Variants in GPR39 observed in about 807,000 individuals in gnomAD.
GPR39 encodes the protein zinc sensing receptor.
Under a neutral mutation model 18.4 loss-of-function variants are expected in GPR39, and 23 were observed. The observed-to-expected ratio is 1.25, with a 90% confidence interval of 0.90 to 1.77. GPR39 has a LOEUF of 1.77. Among genes scored for constraint, GPR39 ranks in the 40% most tolerant of loss-of-function variants. The pLI is 0.00. For synonymous variants in GPR39, 280 were observed against 257.9 expected (o/e 1.09, Z -0.82); for missense variants, 647 against 602.4 (o/e 1.07, Z -0.78).
intron 1 of GPR39, among the ~76,000 whole-genome samples, chr2:132,555,890 T>A (rs992824055): frequency 6.6e-6 from 1 of 152,176 alleles, no homozygotes; most frequent in African/African-American, 2.4e-5. Context: ...TTAGGGGAGA[T>A]GTTACTCAAG....
intron 1 of GPR39, among the ~76,000 whole-genome samples, chr2:132,499,272 C>T (rs1321099868): frequency 5.3e-5 from 8 of 152,158 alleles, no homozygotes; most frequent in Admixed American, 6.5e-5. Context: ...CATTCTTCTA[C>T]GTGTGGCTTG....
chr2:132,454,809 C>G (rs574283448), intron 1 of GPR39, among the ~76,000 whole-genome samples: 6 of 152,182 alleles, frequency 3.9e-5, no homozygotes, highest in African/African-American at 1.4e-4. Flanking sequence ...GTCGAACCAG[C>G]CTTGCATCCC....
intron 1 of GPR39, among the ~76,000 whole-genome samples, chr2:132,629,292 A>G (rs1474153453): frequency 6.6e-6 from 1 of 152,202 alleles, no homozygotes; most frequent in East Asian, 1.9e-4. Context: ...TCCTGACCAC[A>G]GGTCTAAGAT....
At chr2:132,531,893 AG>A (rs1679640555) in intron 1 of GPR39, among the ~76,000 whole-genome samples, 1 of 152,262 alleles carries the variant, frequency 6.6e-6, no homozygotes, top group Non-Finnish European at 1.5e-5. Flanking sequence ...CACAAGAGAA[AG>A]CAGGAAAGAT....
chr2:132,467,939 G>A (rs954275956), intron 1 of GPR39, among the ~76,000 whole-genome samples: 1 of 152,148 alleles, frequency 6.6e-6, no homozygotes, highest in African/African-American at 2.4e-5. Context: ...CAGTAGCCCT[G>A]AGCTAATAAA....
intron 1 of GPR39, among the ~76,000 whole-genome samples, chr2:132,568,394 C>T (rs1680387591): frequency 6.6e-6 from 1 of 151,972 alleles, no homozygotes; most frequent in Non-Finnish European, 1.5e-5. Flanking sequence ...ATGAGGTTTG[C>T]ATGATGCAAT....
chr2:132,645,513 C>CCAGT lies in GPR39; in HGVS notation c.1272_1275dup (p.Leu426ValfsTer28), dbSNP rs1377185681. On this transcript the variant is annotated frameshift_variant, in exon 2 of 2. Coordinates refer to ENST00000329321, the MANE Select transcript of GPR39 (RefSeq NM_001508.3). LOFTEE classifies it low-confidence loss of function (END_TRUNC). ...GCGAGGCCGAGCCCCAGTCTAAGTC[C>CCAGT]CAGTCATTGAGTCTCGAGTCACTAG... 1 of 1,613,370 alleles carries CCAGT rather than the reference C, an allele frequency of 6.2e-7. No individual in the cohort carries two copies. Among genetic ancestry groups the CCAGT allele is most frequent in the Non-Finnish European group, 8.5e-7 (1 of 1,179,864 alleles).
chr2:132,444,130 A>G (rs1388335711), intron 1 of GPR39, among the ~76,000 whole-genome samples: 1 of 152,168 alleles, frequency 6.6e-6, no homozygotes, highest in East Asian at 1.9e-4. Context: ...AGAACACTTT[A>G]TTGAACAATT....
In GPR39 at chr2:132,596,863, A is replaced by G. The variant is rs974403170; in HGVS notation, c.857-48238A>G. ...AAAGATCCCCTGTTGATTTCCATGT[A>G]TATCCCAGGTTGAGAACCATTGCCT... is the stretch of plus-strand genomic sequence containing the variant. On this transcript the variant is annotated intron_variant, in intron 1 of 1. Coordinates refer to ENST00000329321, the MANE Select transcript of GPR39 (RefSeq NM_001508.3). 1.4e-4 allele frequency among the ~76,000 whole-genome samples: 21 copies of G among 152,324 alleles called. 1 individual carries two copies. The highest frequency in any genetic ancestry group is 4.8e-4 in the African/African-American group (20 of 41,572).
In GPR39 at chr2:132,530,217, T is replaced by G. The variant is rs189049522; in HGVS notation, c.856+112319T>G. 3.8e-3 allele frequency among the ~76,000 whole-genome samples: 574 copies of G among 152,218 alleles called. 1 individual carries two copies. Among genetic ancestry groups the G allele is most frequent in the Middle Eastern group, 6.8e-3 (2 of 292 alleles). ...GAACGATGTGACAAATGCACAAGCC[T>G]CAGTAGCTGATGAGATCAACTGGAA... On this transcript the variant is annotated intron_variant, in intron 1 of 1. Transcript: ENST00000329321.
At chr2:132,531,965 C>A (rs535011798) in intron 1 of GPR39, among the ~76,000 whole-genome samples, 2 of 152,190 alleles carry the variant, frequency 1.3e-5, no homozygotes, top group African/African-American at 4.8e-5. Flanking sequence ...CAAACACATT[C>A]AAAAACTAGC....
At chr2:132,427,131 C>CCT (rs1680135680) in intron 1 of GPR39, among the ~76,000 whole-genome samples, 1 of 80,778 alleles carries the variant, frequency 1.2e-5, no homozygotes, top group Admixed American at 1.5e-4. Flanking sequence ...TATATAGGTA[C>CCT]ATATATATAT....
At chr2:132,485,867 T>C (rs996963275) in intron 1 of GPR39, among the ~76,000 whole-genome samples, 1 of 152,216 alleles carries the variant, frequency 6.6e-6, no homozygotes, top group Non-Finnish European at 1.5e-5. Flanking sequence ...CCATGAATCA[T>C]AAATATTTTT....
intron 1 of GPR39, among the ~76,000 whole-genome samples, chr2:132,627,982 C>T (rs573700420): frequency 1.1e-4 from 16 of 152,248 alleles, no homozygotes; most frequent in Admixed American, 5.9e-4. Flanking sequence ...CCCAGGTGGA[C>T]GCATCCCAAA....
At chr2:132,518,186 A>C (rs1679366296) in intron 1 of GPR39, among the ~76,000 whole-genome samples, 1 of 152,218 alleles carries the variant, frequency 6.6e-6, no homozygotes, top group African/African-American at 2.4e-5. Context: ...CTTGGTCAAT[A>C]ATCATAATTT....
At position 132,493,145 on chromosome 2, in the gene GPR39, C is replaced by A. The variant is rs569366024; in HGVS notation, c.856+75247C>A. On this transcript the variant is annotated intron_variant, in intron 1 of 1. Coordinates refer to ENST00000329321, the MANE Select transcript of GPR39 (RefSeq NM_001508.3). ...ATTCCATATATATACCATATATATA[C>A]ATTCCATATATATACCATATATACA... 5.4e-4 allele frequency among the ~76,000 whole-genome samples: 75 copies of A among 139,810 alleles called. 4 individuals carry two copies. The South Asian group carries it at 0.016, about 31-fold the overall frequency. The allele number at this position is 139,810 out of a possible 152,430, so 91.7% of individuals were successfully genotyped here.
intron 1 of GPR39, among the ~76,000 whole-genome samples, chr2:132,468,591 TGA>T (rs890018500): frequency 5.9e-5 from 9 of 152,216 alleles, no homozygotes; most frequent in Non-Finnish European, 1.0e-4. Context: ...AACGTGAGAC[TGA>T]GAGGTTGGGC....
chr2:132,645,802 A>C lies in GPR39; in HGVS notation c.*196A>C. 1.3e-6 allele frequency: 1 copy of C among 763,836 alleles called. No homozygotes were observed. Among genetic ancestry groups the C allele is most frequent in the Non-Finnish European group, 2.0e-6 (1 of 488,308 alleles). The allele number at this position is 763,836 out of a possible 1,614,324, so 47.3% of individuals were successfully genotyped here. On this transcript the variant is annotated 3_prime_UTR_variant, in exon 2 of 2. Transcript: ENST00000329321. ...TGGCCTTGACTCCGGTTACACAGACATGGGGGTGAACTTTCACTCCACCTC... is the reference window on the plus strand; with the variant it reads ...TGGCCTTGACTCCGGTTACACAGACCTGGGGGTGAACTTTCACTCCACCTC...
At chr2:132,571,349 C>T (rs544476691) in intron 1 of GPR39, among the ~76,000 whole-genome samples, 73 of 152,256 alleles carry the variant, frequency 4.8e-4, no homozygotes, top group Middle Eastern at 6.8e-3. Context: ...TATCATTCTG[C>T]AGCAAAAATT....
Sources: allele counts gnomAD v4.1 joint callset (sites outside exome capture counted in the v4.1 genomes callset), GRCh38; gene constraint gnomAD v4.1.1; transcripts MANE v1.5; gene names NCBI Gene and HGNC (gene_info 2026-07-23, HGNC 2026-07-21).